TUBGCP3: variants seen among roughly 807,000 people sequenced by gnomAD.
The protein encoded by TUBGCP3 is tubulin gamma complex component 3.
A neutral mutation model predicts 123.1 loss-of-function variants in TUBGCP3; 50 were observed. The ratio of observed to expected loss-of-function variants is 0.41; its 90% CI spans 0.32 to 0.51. The LOEUF (loss-of-function observed/expected upper bound fraction) is 0.51, where lower values mean the gene tolerates loss of function less well. Ranked by LOEUF, TUBGCP3 falls within the 20% of genes least tolerant of loss-of-function variation. TUBGCP3 has a pLI of 0.36. For synonymous variants in TUBGCP3, 405 were observed against 413.9 expected (o/e 0.98, Z 0.26); for missense variants, 882 against 1,127.0 (o/e 0.78, Z 3.11).
intron 8 of TUBGCP3, among the ~76,000 whole-genome samples, chr13:112,550,914 CAG>C (rs1879519323): frequency 1.3e-5 from 2 of 152,120 alleles, no homozygotes; most frequent in Admixed American, 6.5e-5. Context: ...CTGGCTAACA[CAG>C]TGAAACCCCG....
intron 11 of TUBGCP3, among the ~76,000 whole-genome samples, chr13:112,543,590 T>C (rs988272680): frequency 2.6e-5 from 4 of 152,178 alleles, no homozygotes; most frequent in East Asian, 3.8e-4. Context: ...TTAAATCATA[T>C]TGACAGATGA....
At chr13:112,560,298 C>T (rs962851193) in intron 3 of TUBGCP3, among the ~76,000 whole-genome samples, 15 of 151,078 alleles carry the variant, frequency 9.9e-5, no homozygotes, top group African/African-American at 2.9e-4. Flanking sequence ...GGCGTAGTGG[C>T]GGGCGCCTGT....
chr13:112,559,491 A>T, intron 3 of TUBGCP3, 92 bp from the exon 4 acceptor site: 1 of 1,029,964 alleles, frequency 9.7e-7, no homozygotes, highest in Non-Finnish European at 1.4e-6. Context: ...CCAAACTAGA[A>T]ATGCATTTTA....
At chr13:112,522,227 ATTTTC>A (rs1459509431) in intron 14 of TUBGCP3, 88 bp downstream of exon 14, 4 of 1,122,732 alleles carry the variant, frequency 3.6e-6, no homozygotes, top group Admixed American at 6.1e-5. Context: ...AATTCAACTC[ATTTTC>A]TTTTAATATA....
the TUBGCP3 span, among the ~76,000 whole-genome samples, chr13:112,601,521 G>A: frequency 3.3e-5 from 5 of 152,190 alleles, no homozygotes; most frequent in Non-Finnish European, 7.3e-5. Flanking sequence ...ATGAGGTAAC[G>A]AGAAGTGTGT....
chr13:112,520,136 T>C lies in TUBGCP3; in HGVS notation c.1746-115A>G, dbSNP rs1190005467. 10 of 978,388 alleles carry C rather than the reference T, an allele frequency of 1.0e-5. No homozygotes were observed. The East Asian group carries it at 2.2e-4, about 21-fold the overall frequency. The allele number at this position is 978,388 out of a possible 1,614,324, so 60.6% of individuals were successfully genotyped here. A position where few individuals can be genotyped will look rare whatever the true frequency, so the allele number is the denominator to read the frequency against. ...AAATTATAAAAACTCAAAAGACAAA[T>C]GGGACCAATACAATAATGCGGCAAC... On this transcript the variant is annotated intron_variant, in intron 14 of 21. Transcript: ENST00000261965.
intron 21 of TUBGCP3, among the ~76,000 whole-genome samples, chr13:112,487,085 G>GTC (rs1555335867): frequency 2.1e-4 from 19 of 92,150 alleles, no homozygotes; most frequent in African/African-American, 5.6e-4. Flanking sequence ...GTGTGTGTCT[G>GTC]TGTGTGTGTG....
chr13:112,535,023 C>T (rs138280181), intron 11 of TUBGCP3, among the ~76,000 whole-genome samples: 2 of 152,132 alleles, frequency 1.3e-5, no homozygotes, highest in East Asian at 1.9e-4. Flanking sequence ...ACATTTCATA[C>T]GAATGGAATC....
intron 11 of TUBGCP3, among the ~76,000 whole-genome samples, chr13:112,527,855 CAG>C (rs1438380757): frequency 6.6e-6 from 1 of 152,252 alleles, no homozygotes; most frequent in Non-Finnish European, 1.5e-5. Context: ...CTCCTCCCAT[CAG>C]TCTGCCTGCC....
At chr13:112,512,177 T>C (rs943133187) in intron 17 of TUBGCP3, among the ~76,000 whole-genome samples, 1 of 152,020 alleles carries the variant, frequency 6.6e-6, no homozygotes, top group African/African-American at 2.4e-5. Context: ...CCCCAATACT[T>C]TGGGAGGCCA....
chr13:112,529,848 C>A (rs1213917424), intron 11 of TUBGCP3, among the ~76,000 whole-genome samples: 2 of 152,196 alleles, frequency 1.3e-5, no homozygotes, highest in Non-Finnish European at 2.9e-5. Flanking sequence ...GTATCACACC[C>A]AAAGTGCCTT....
intron 11 of TUBGCP3, among the ~76,000 whole-genome samples, chr13:112,531,465 C>T (rs1026552485): frequency 2.6e-5 from 4 of 152,162 alleles, no homozygotes; most frequent in Non-Finnish European, 4.4e-5. Flanking sequence ...GAAGTCACCG[C>T]GCTCATGCTG....
At chr13:112,594,085 G>A in the TUBGCP3 span, among the ~76,000 whole-genome samples, 8 of 152,298 alleles carry the variant, frequency 5.3e-5, no homozygotes, top group East Asian at 1.3e-3. Context: ...CTTCATTGGT[G>A]AATTTTCTCA....
chr13:112,543,524 G>C (rs1216384153), intron 11 of TUBGCP3, among the ~76,000 whole-genome samples: 1 of 152,154 alleles, frequency 6.6e-6, no homozygotes, highest in African/African-American at 2.4e-5. Context: ...CAGAGAAATT[G>C]TGAAAAGAAC....
intron 17 of TUBGCP3, among the ~76,000 whole-genome samples, chr13:112,512,218 C>T (rs768050179): frequency 4.0e-5 from 6 of 151,284 alleles, no homozygotes; most frequent in Admixed American, 3.3e-4. Context: ...GCCAGGAGTT[C>T]GAGGCCAGTC....
intron 3 of TUBGCP3, among the ~76,000 whole-genome samples, chr13:112,564,257 T>G (rs536083108): frequency 1.3e-5 from 2 of 152,340 alleles, no homozygotes; most frequent in East Asian, 3.9e-4. Flanking sequence ...GAACTAAGCT[T>G]GTTTCCAGAG....
chr13:112,518,687 A>T (rs1876363677), intron 16 of TUBGCP3, among the ~76,000 whole-genome samples: 1 of 152,378 alleles, frequency 6.6e-6, no homozygotes, highest in East Asian at 1.9e-4. Flanking sequence ...ACAGTATAAG[A>T]ATAATGGAAG....
At chr13:112,575,751 T>C (rs933747997) in intron 1 of TUBGCP3, among the ~76,000 whole-genome samples, 1 of 152,244 alleles carries the variant, frequency 6.6e-6, no homozygotes. Context: ...GTATGTCCTC[T>C]AACACTAACA....
chr13:112,587,966 G>C lies in TUBGCP3; in HGVS notation c.15C>G (p.Asp5Glu). ...GCAGCAGAACGTTCGGCGACTTCTG[G>C]TCCGGGGTCGCCATCCTCGCCCGGA... MATP[D>E]QKSPNVLLQN... The change falls in exon 1 of 22, where the codon GAC becomes GAG. Residue 5 changes from aspartate (D) to glutamate (E), a missense_variant. Around this residue, in one of 3 missense-constraint regions of TUBGCP3, gnomAD observed 713 missense variants for 874.0 expected, o/e 0.82. Transcript: ENST00000261965. The C allele has an allele frequency of 1.3e-6, 2 of 1,588,444 alleles. No homozygotes were observed. Among genetic ancestry groups the C allele is most frequent in the Non-Finnish European group, 1.7e-6 (2 of 1,169,072 alleles).
Sources: allele counts gnomAD v4.1 joint callset (sites outside exome capture counted in the v4.1 genomes callset), GRCh38; gene constraint gnomAD v4.1.1; regional missense constraint gnomAD v4.1.1; transcripts MANE v1.5; gene names NCBI Gene and HGNC (gene_info 2026-07-23, HGNC 2026-07-21).